IGF1: variants seen among roughly 807,000 people sequenced by gnomAD.
The protein encoded by IGF1 is insulin-like growth factor 1.
Under a neutral mutation model 13.8 loss-of-function variants are expected in IGF1, and 4 were observed. That is an observed-to-expected ratio of 0.29 (90% CI 0.14 to 0.66). IGF1 has a LOEUF of 0.66. Among genes scored for constraint, IGF1 ranks in the 30% least tolerant of loss-of-function variants. IGF1 has a pLI of 0.78. For synonymous variants in IGF1, 76 were observed against 72.6 expected (o/e 1.05, Z -0.23); for missense variants, 124 against 188.5 (o/e 0.66, Z 2.00).
Position 102,396,673 on chromosome 12 carries a change from G to A in IGF1, c.*5834C>T, listed in dbSNP as rs1271421589. 7.7e-6 allele frequency: 3 copies of A among 387,816 alleles called. No individual in the cohort carries two copies. Among genetic ancestry groups the A allele is most frequent in the Non-Finnish European group, 1.4e-5 (3 of 219,882 alleles). The allele number at this position is 387,816 out of a possible 1,614,324, so 24.0% of individuals were successfully genotyped here. ...AAAAAAGGCAGATTCTAAGGATTGT[G>A]GAAGGTCATGTTTTTGAAAGTGAAA... On this transcript the variant is annotated 3_prime_UTR_variant, in exon 4 of 4. Coordinates refer to ENST00000337514, the MANE Select transcript of IGF1 (RefSeq NM_000618.5).
In IGF1 at chr12:102,402,245, T is replaced by TATA. The variant is rs1555236089; in HGVS notation, c.*261_*262insTAT. On this transcript the variant is annotated 3_prime_UTR_variant, in exon 4 of 4. Transcript: ENST00000337514. ...GGACTAAGATATATATATATATATATTTTTTTTTTCTTTTCTATAGAACAT... is the reference window on the plus strand; with the variant it reads ...GGACTAAGATATATATATATATATATATATTTTTTTTTCTTTTCTATAGAACAT... The TATA allele has an allele frequency of 1.1e-4, 24 of 215,638 alleles. No individual in the cohort carries two copies. The highest frequency in any genetic ancestry group is 5.1e-4 in the African/African-American group (18 of 35,310). The allele number at this position is 215,638 out of a possible 1,614,324, so 13.4% of individuals were successfully genotyped here.
chr12:102,447,458 T>C (rs952101698), intron 2 of IGF1, among the ~76,000 whole-genome samples: 12 of 152,242 alleles, frequency 7.9e-5, no homozygotes, highest in African/African-American at 2.9e-4. Flanking sequence ...CTTGTTGCAT[T>C]GATCCCTTTA....
In IGF1 at chr12:102,401,849, G is replaced by GA. The variant is rs1411378077; in HGVS notation, c.*657dup. 1 of 152,600 alleles carries GA rather than the reference G, an allele frequency of 6.6e-6. No individual in the cohort carries two copies. The highest frequency in any genetic ancestry group is 6.5e-5 in the Admixed American group (1 of 15,276). The allele number at this position is 152,600 out of a possible 1,614,324, so 9.5% of individuals were successfully genotyped here. A position where few individuals can be genotyped will look rare whatever the true frequency, so the allele number is the denominator to read the frequency against. On this transcript the variant is annotated 3_prime_UTR_variant, in exon 4 of 4. Transcript: ENST00000337514. ...TTGCATTATTCTTTTTTGTAAGCATGATGTGGAAAAATAAAGCTTTGTGTC... is the reference window on the plus strand; with the variant it reads ...TTGCATTATTCTTTTTTGTAAGCATGAATGTGGAAAAATAAAGCTTTGTGTC...
At position 102,430,511 on chromosome 12, in the gene IGF1, C is replaced by T. The variant is rs1460273432; in HGVS notation, c.221-10821G>A. 5.3e-5 allele frequency among the ~76,000 whole-genome samples: 8 copies of T among 152,130 alleles called. No individual in the cohort carries two copies. In the South Asian group the frequency reaches 1.2e-3, roughly 24 times the overall value. On this transcript the variant is annotated intron_variant, in intron 2 of 3. Transcript: ENST00000337514. ...AGAAGGAAAGAAGTGAAGCTTTTGA[C>T]TCTGAGTAGTAGGAGTTCTGATGAG...
At chr12:102,405,362 A>G (rs34311929) in intron 3 of IGF1, among the ~76,000 whole-genome samples, 3 of 152,090 alleles carry the variant, frequency 2.0e-5, no homozygotes, top group Non-Finnish European at 4.4e-5. Flanking sequence ...TGCTGGGATT[A>G]CAGGCATGAG....
At chr12:102,444,677 A>G (rs1290928806) in intron 2 of IGF1, among the ~76,000 whole-genome samples, 1 of 152,122 alleles carries the variant, frequency 6.6e-6, no homozygotes. Context: ...AAAAACAACT[A>G]CTTTAAAAGC....
intron 3 of IGF1, among the ~76,000 whole-genome samples, chr12:102,403,767 C>A (rs1036353328): frequency 6.6e-6 from 1 of 151,790 alleles, no homozygotes; most frequent in Non-Finnish European, 1.5e-5. Flanking sequence ...CCACTGCACC[C>A]GGCCTGGATA....
chr12:102,472,430 C>A (rs913943580), intron 2 of IGF1, among the ~76,000 whole-genome samples: 1 of 152,028 alleles, frequency 6.6e-6, no homozygotes, highest in African/African-American at 2.4e-5. Flanking sequence ...AAAAAAAACT[C>A]TCCTTGTTAA....
intron 2 of IGF1, among the ~76,000 whole-genome samples, chr12:102,445,422 G>T (rs956807325): frequency 6.6e-6 from 1 of 152,144 alleles, no homozygotes; most frequent in Non-Finnish European, 1.5e-5. Flanking sequence ...TTGAGCAGTG[G>T]TTTGTAGTTC....
chr12:102,444,709 G>A (rs560356528), intron 2 of IGF1, among the ~76,000 whole-genome samples: 1 of 152,214 alleles, frequency 6.6e-6, no homozygotes, highest in East Asian at 1.9e-4. Context: ...TTGGTTACCT[G>A]CTACATTGAA....
At chr12:102,436,082 T>C (rs17879892) in intron 2 of IGF1, among the ~76,000 whole-genome samples, 4,368 of 152,346 alleles carry the variant, frequency 0.029, 95 homozygotes, top group African/African-American at 0.043. Flanking sequence ...GGTATCTATA[T>C]GTCAGTCTAG....
At chr12:102,481,152 C>G (rs1245602179), upstream of IGF1, among the ~76,000 whole-genome samples, 2 of 152,140 alleles carry the variant, frequency 1.3e-5, no homozygotes, top group Non-Finnish European at 2.9e-5. Context: ...CTTTAGGGCA[C>G]TGTCTCATAC....
chr12:102,478,713 G>T, intron 1 of IGF1: 1 of 1,228,426 alleles, frequency 8.1e-7, no homozygotes. Flanking sequence ...TGCACAGCTG[G>T]GATTTAAGTC....
Position 102,475,682 on chromosome 12 carries a change from C to T in IGF1, c.181G>A (p.Ala61Thr). 2 of 1,614,222 alleles carry T rather than the reference C, an allele frequency of 1.2e-6. No homozygotes were observed. The highest frequency in any genetic ancestry group is 1.7e-6 in the Non-Finnish European group (2 of 1,180,042). Residue 61 changes from alanine to threonine, a missense_variant, in exon 2 of 4, where the codon GCT becomes ACT. By Grantham distance (58) the Ala-to-Thr change is moderately conservative. This residue lies in a region of IGF1 where 99 missense variants were observed against 171.4 expected (regional missense o/e 0.58). Transcript: ENST00000337514. ...CTGTCTCCACACACGAACTGAAGAG[C>T]ATCCACCAGCTCAGCCCCGCAGAGC... ...ETLCGAELVD[A>T]LQFVCGDRGF...
At chr12:102,456,813 C>T (rs573815042) in intron 2 of IGF1, among the ~76,000 whole-genome samples, 30 of 152,292 alleles carry the variant, frequency 2.0e-4, no homozygotes, top group Non-Finnish European at 4.0e-4. Context: ...ACAGTCCCCA[C>T]GTTCCAAAGG....
chr12:102,411,858 T>C (rs1193820864), intron 3 of IGF1, among the ~76,000 whole-genome samples: 2 of 152,148 alleles, frequency 1.3e-5, no homozygotes, highest in Non-Finnish European at 2.9e-5. Flanking sequence ...TAGAGGCTAA[T>C]GGTTAAGAAA....
At chr12:102,403,558 A>G (rs1873860639) in intron 3 of IGF1, among the ~76,000 whole-genome samples, 1 of 149,630 alleles carries the variant, frequency 6.7e-6, no homozygotes. Flanking sequence ...CCAGGCTTAC[A>G]CAATCCTCCT....
chr12:102,416,422 A>T (rs1875146080), intron 3 of IGF1, among the ~76,000 whole-genome samples: 1 of 152,216 alleles, frequency 6.6e-6, no homozygotes, highest in Admixed American at 6.5e-5. Context: ...CCCTCAGGGA[A>T]ATCCAGCACT....
At chr12:102,406,742 T>C (rs1161987283) in intron 3 of IGF1, among the ~76,000 whole-genome samples, 1 of 152,164 alleles carries the variant, frequency 6.6e-6, no homozygotes, top group Non-Finnish European at 1.5e-5. Flanking sequence ...CCATTATCTC[T>C]TGGTTCTTAT....
Sources: gnomAD v4.1 joint callset for allele counts (sites outside exome capture counted in the v4.1 genomes callset) on GRCh38, gnomAD v4.1.1 for gene constraint, gnomAD v4.1.1 regional missense constraint, MANE v1.5 for transcripts, NCBI Gene and HGNC (gene_info 2026-07-23, HGNC 2026-07-21) for gene names.